Variants in KMT2A observed in about 807,000 individuals in gnomAD.
The protein encoded by KMT2A is lysine methyltransferase 2A.
Under a neutral mutation model 345.3 loss-of-function variants are expected in KMT2A, and 16 were observed. The observed-to-expected ratio is 0.05, with a 90% CI of 0.03 to 0.07. The LOEUF (loss-of-function observed/expected upper bound fraction) is 0.07, where lower values mean the gene tolerates loss of function less well. Ranked by LOEUF, KMT2A falls within the 10% of genes least tolerant of loss-of-function variation. The probability of loss-of-function intolerance (pLI) is 1.00; values close to 1 mark genes in which losing one functional copy is unlikely to be tolerated. For missense variants in KMT2A, 3,272 were observed against 4,841.6 expected, an observed-to-expected ratio of 0.68 and a Z score of 9.62; for synonymous variants, 1,599 against 1,778.6, an observed-to-expected ratio of 0.90 and a Z score of 2.54.
chr11:118,457,230 T>C (rs1195030123), intron 1 of KMT2A, among the ~76,000 whole-genome samples: 2 of 146,620 alleles, frequency 1.4e-5, no homozygotes, highest in African/African-American at 2.5e-5. Context: ...TGAAGGCATA[T>C]AAGACCTTTC....
chr11:118,512,867 T>C (rs1950720538), intron 31 of KMT2A, among the ~76,000 whole-genome samples: 1 of 152,114 alleles, frequency 6.6e-6, no homozygotes, highest in African/African-American at 2.4e-5. Context: ...GTTGAAATCA[T>C]TTACCATTGG....
chr11:118,526,323 A>G lies in KMT2A; in HGVS notation c.*4151A>G, dbSNP rs1555055605. On this transcript the variant is annotated 3_prime_UTR_variant, in exon 36 of 36. Coordinates refer to ENST00000534358, the MANE Select transcript of KMT2A (RefSeq NM_001197104.2). ...GGTTACCACCTGCATTTAGGGGAAA[A>G]TTGTGTTCTGTGCTTTCCTGGTATC... 4.5e-6 allele frequency: 1 copy of G among 224,450 alleles called. No homozygotes were observed. The highest frequency in any genetic ancestry group is 8.9e-6 in the Non-Finnish European group (1 of 112,752). The allele number at this position is 224,450 out of a possible 1,614,324, so 13.9% of individuals were successfully genotyped here.
intron 27 of KMT2A, among the ~76,000 whole-genome samples, chr11:118,507,016 G>A (rs1195278060): frequency 3.3e-5 from 5 of 152,196 alleles, no homozygotes; most frequent in African/African-American, 1.2e-4. Context: ...ATCATTGAAA[G>A]CCAAGCACAG....
rs1438774997 is a variant in KMT2A, at chr11:118,484,009, G to A, written c.4087-174G>A. ...ACTGTGCCACTGTATTGCAGCCTAG[G>A]CAACAAAGCAAGACCCAGTCTCTTT... On this transcript the variant is annotated intron_variant, in intron 8 of 35. Transcript: ENST00000534358. The surrounding 1 kb of genome is among the most constrained non-coding windows in gnomAD (Gnocchi z 4.1). 6.6e-6 allele frequency among the ~76,000 whole-genome samples: 1 copy of A among 152,124 alleles called. No individual in the cohort carries two copies. The highest frequency in any genetic ancestry group is 1.5e-5 in the Non-Finnish European group (1 of 68,034).
rs146191865 is a variant in KMT2A at position 118,509,150 on chromosome 11, T to C, written c.10850T>C (p.Leu3617Pro). The C allele has an allele frequency of 1.4e-3, 2,317 of 1,613,990 alleles. 1 individual carries two copies. Among genetic ancestry groups the C allele is most frequent in the Non-Finnish European group, 1.6e-3 (1,934 of 1,179,898 alleles). The stretch of plus-strand genomic sequence containing the variant: ...TTTTTATTTAGGCAAGTCGCTGTTC[T>C]TCCGGAAGTTCAGGTGACCCAAAAT... ...CGQPAGQVAV[L>P]PEVQVTQNPA... Residue 3617 changes from leucine to proline, a missense_variant, in exon 29 of 36, where the codon CTT becomes CCT. This residue lies in a region of KMT2A where 748 missense variants were observed against 922.2 expected (regional missense o/e 0.81). Transcript: ENST00000534358.
At chr11:118,515,440 G>A (rs1950791078) in intron 31 of KMT2A, among the ~76,000 whole-genome samples, 1 of 152,180 alleles carries the variant, frequency 6.6e-6, no homozygotes, top group African/African-American at 2.4e-5. Context: ...CAGAGGTAGG[G>A]ACAGACGTGT....
chr11:118,504,913 C>T lies in KMT2A; in HGVS notation c.9021C>T (p.Ile3007=), dbSNP rs146812027. 3 of 1,614,228 alleles carry T rather than the reference C, an allele frequency of 1.9e-6. No individual in the cohort carries two copies. The highest frequency in any genetic ancestry group is 2.5e-6 in the Non-Finnish European group (3 of 1,180,038). The change falls in exon 27 of 36, where the codon ATC becomes ATT. Residue 3007 remains isoleucine (I), a synonymous_variant. Coordinates refer to ENST00000534358, the MANE Select transcript of KMT2A (RefSeq NM_001197104.2). The surrounding 1 kb of genome is among the most constrained non-coding windows in gnomAD (Gnocchi z 6.4). The part of the protein sequence containing the change: ...FIQGHMDADH[I]SSPPCGSVEQ... The stretch of plus-strand genomic sequence containing the variant: ...AAGGACACATGGATGCAGACCACAT[C>T]TCTAGCCCTCCTTGTGGTTCAGTAG...
Position 118,498,550 on chromosome 11 carries a change from T to TA in KMT2A, c.5961+37dup, listed in dbSNP as rs57102960. 0.14 allele frequency: 197,426 copies of TA among 1,413,338 alleles called. 2,185 individuals carry two copies. Among genetic ancestry groups the TA allele is most frequent in the African/African-American group, 0.23 (15,142 of 66,772 alleles). The allele number at this position is 1,413,338 out of a possible 1,614,324, so 87.5% of individuals were successfully genotyped here. On this transcript the variant is annotated intron_variant, in intron 22 of 35. Coordinates refer to ENST00000534358, the MANE Select transcript of KMT2A (RefSeq NM_001197104.2). This position sits in a 1 kb window ranked among gnomAD's most constrained non-coding sequence, Gnocchi z 4.4. ...CGAAGTGAGAGAGCTTTAGTTGCTT[T>TA]AAAAAAAAAAAAAAAGACTTTTTTA...
At chr11:118,485,447 G>A (rs556380142) in intron 10 of KMT2A, among the ~76,000 whole-genome samples, 22 of 152,244 alleles carry the variant, frequency 1.4e-4, no homozygotes, top group African/African-American at 4.8e-4. Context: ...AGGGGGAGGT[G>A]AAGGGAGGGT....
Position 118,521,546 on chromosome 11 carries a change from T to C in KMT2A, c.11643+129T>C. 6 of 1,151,230 alleles carry C rather than the reference T, an allele frequency of 5.2e-6. No homozygotes were observed. The highest frequency in any genetic ancestry group is 7.2e-6 in the Non-Finnish European group (6 of 833,816). 71.3% of individuals were successfully genotyped at this position (1,151,230 alleles called of 1,614,324 possible). On this transcript the variant is annotated intron_variant, in intron 35 of 35. Transcript: ENST00000534358. This position sits in a 1 kb window ranked among gnomAD's most constrained non-coding sequence, Gnocchi z 5.3. ...AGACCTTTCTTAAAAAAATAAACTCTGAAATTTGTGAGGGGCCCAGTAAAA... is the reference window on the plus strand; with the variant it reads ...AGACCTTTCTTAAAAAAATAAACTCCGAAATTTGTGAGGGGCCCAGTAAAA...
Position 118,494,404 on chromosome 11 carries a change from T to C in KMT2A, c.5289+6T>C, listed in dbSNP as rs2134350099. The C allele has an allele frequency of 7.0e-7, 1 of 1,429,982 alleles. No individual in the cohort carries two copies. The allele number at this position is 1,429,982 out of a possible 1,614,324, so 88.6% of individuals were successfully genotyped here. A position where few individuals can be genotyped will look rare whatever the true frequency, so the allele number is the denominator to read the frequency against. ...TCAAGTCCTTCTTCATTCGGGTGAA[T>C]GATATTACTAATTCATGTTTTTAAT... is the stretch of plus-strand genomic sequence containing the variant. On this transcript the variant is annotated splice_donor_region_variant and intron_variant, in intron 17 of 35. Transcript: ENST00000534358. This position sits in a 1 kb window ranked among gnomAD's most constrained non-coding sequence, Gnocchi z 5.8.
chr11:118,457,570 C>T (rs782283835), intron 1 of KMT2A, among the ~76,000 whole-genome samples: 10 of 151,894 alleles, frequency 6.6e-5, no homozygotes, highest in Admixed American at 3.3e-4. Context: ...CATGCCTGAC[C>T]GCCTTTTTTT....
chr11:118,439,158 CAAAAAA>C, intron 1 of KMT2A: 4 of 265,408 alleles, frequency 1.5e-5, no homozygotes, highest in South Asian at 7.4e-5. Flanking sequence ...GATACAGCAG[CAAAAAA>C]AAAAAAAAAG....
chr11:118,506,725 G>A (rs1233418885), intron 27 of KMT2A, 79 bp downstream of exon 27: 11 of 1,394,900 alleles, frequency 7.9e-6, no homozygotes, highest in Middle Eastern at 1.9e-4. Context: ...GTGGTAGTCC[G>A]GGAGAGACAC....
rs1950368156 is a variant in KMT2A at position 118,494,161 on chromosome 11, A to G, written c.5179-127A>G. Reference sequence around the variant, plus strand: ...TCAAAGGTCTCAGCCAAAGAGTATTATACCACATTAAAATAGGGTGTGAGT... The same window carrying G: ...TCAAAGGTCTCAGCCAAAGAGTATTGTACCACATTAAAATAGGGTGTGAGT... On this transcript the variant is annotated intron_variant, in intron 16 of 35. Coordinates refer to ENST00000534358, the MANE Select transcript of KMT2A (RefSeq NM_001197104.2). The surrounding 1 kb of genome is among the most constrained non-coding windows in gnomAD (Gnocchi z 5.8). 1.6e-6 allele frequency: 1 copy of G among 634,886 alleles called. No individual in the cohort carries two copies. The highest frequency in any genetic ancestry group is 2.9e-6 in the Non-Finnish European group (1 of 350,502). 39.3% of individuals were successfully genotyped at this position (634,886 alleles called of 1,614,324 possible). A position where few individuals can be genotyped will look rare whatever the true frequency, so the allele number is the denominator to read the frequency against.
intron 1 of KMT2A, among the ~76,000 whole-genome samples, chr11:118,454,642 A>G (rs1555030106): frequency 6.6e-6 from 1 of 152,216 alleles, no homozygotes; most frequent in Non-Finnish European, 1.5e-5. Context: ...TCATAAGTCA[A>G]AGATACGTTT....
intron 1 of KMT2A, 89 bp from the exon 2 acceptor site, chr11:118,468,686 T>G: frequency 1.0e-6 from 1 of 982,694 alleles, no homozygotes; most frequent in South Asian, 1.3e-5. Context: ...TTTTCCAAAT[T>G]CATTTGTGTC....
At chr11:118,453,007 T>C (rs1949571809) in intron 1 of KMT2A, among the ~76,000 whole-genome samples, 1 of 152,146 alleles carries the variant, frequency 6.6e-6, no homozygotes, top group South Asian at 2.1e-4. Context: ...TAGTCAGGGT[T>C]GTACCTGCAG....
chr11:118,474,641 CAGAGGATGCTG>C (rs1251953215), intron 3 of KMT2A, among the ~76,000 whole-genome samples: 2 of 152,192 alleles, frequency 1.3e-5, no homozygotes, highest in Non-Finnish European at 2.9e-5. Context: ...GACTATATCA[CAGAGGATGCTG>C]AGTTGTTTGT....
Sources: allele counts gnomAD v4.1 joint callset (sites outside exome capture counted in the v4.1 genomes callset), GRCh38; gene constraint gnomAD v4.1.1; regional missense constraint gnomAD v4.1.1; non-coding constraint Gnocchi (gnomAD v3.1); transcripts MANE v1.5; gene names NCBI Gene and HGNC (gene_info 2026-07-23, HGNC 2026-07-21).